The following ADGRA2 variants were observed in gnomAD, a reference collection of about 807,000 sequenced individuals.
The protein encoded by ADGRA2 is adhesion G protein-coupled receptor A2.
Under a neutral mutation model 98.7 loss-of-function variants are expected in ADGRA2, and 61 were observed. The ratio of observed to expected loss-of-function variants is 0.62; its 90% confidence interval spans 0.50 to 0.76. The LOEUF is 0.76. ADGRA2 is among the 30% of genes least tolerant of loss of function. ADGRA2 has a pLI of 0.00. For missense variants in ADGRA2, 1,712 were observed against 1,860.0 expected, an observed-to-expected ratio of 0.92 and a Z score of 1.46; for synonymous variants, 858 against 831.5, an observed-to-expected ratio of 1.03 and a Z score of -0.55.
At chr8:37,823,199 T>TC (rs911163352) in intron 2 of ADGRA2, among the ~76,000 whole-genome samples, 1 of 150,764 alleles carries the variant, frequency 6.6e-6, no homozygotes, top group African/African-American at 2.4e-5. Context: ...CCTTTTTTTT[T>TC]TTTTTTTTTT....
Position 37,844,512 on chromosome 8 carries a change from G to C in ADGRA2, c.*2157G>C. 6.2e-7 allele frequency: 1 copy of C among 1,613,308 alleles called. No homozygotes were observed. Among genetic ancestry groups the C allele is most frequent in the South Asian group, 1.1e-5 (1 of 91,026 alleles). ...CCATCAGGGAGGGTTAGGGACACTC[G>C]TGGCAGCCTGTCTAGCAGCCTGGGC... On this transcript the variant is annotated 3_prime_UTR_variant, in exon 19 of 19. Transcript: ENST00000412232.
chr8:37,840,906 C>G, intron 18 of ADGRA2, 57 bp downstream of exon 18: 1 of 1,116,654 alleles, frequency 9.0e-7, no homozygotes, highest in Non-Finnish European at 1.3e-6. Flanking sequence ...ATGCCTTCCA[C>G]TCCACTGGCA....
chr8:37,839,643 T>G (rs768778828), intron 16 of ADGRA2, 21 bp downstream of exon 16: 1 of 1,612,514 alleles, frequency 6.2e-7, no homozygotes, highest in Non-Finnish European at 8.5e-7. Context: ...GAAGGGGCTC[T>G]GGGGGTGGTG....
rs186056790 is a variant in ADGRA2 at position 37,827,356 on chromosome 8, G to A, written c.339-1532G>A. On this transcript the variant is annotated intron_variant, in intron 2 of 18. Transcript: ENST00000412232. ...TCCTGCCTGCCCCAAGAGCCCAGGGGGCTGCCCTGGCAGGTGTGGGGTTAG... is the reference window on the plus strand; with the variant it reads ...TCCTGCCTGCCCCAAGAGCCCAGGGAGCTGCCCTGGCAGGTGTGGGGTTAG... Among the ~76,000 whole-genome samples the A allele has an allele frequency of 3.6e-3, 555 of 152,370 alleles. 6 individuals carry two copies. Among genetic ancestry groups the A allele is most frequent in the African/African-American group, 0.013 (530 of 41,594 alleles).
rs1277338880 is a variant in ADGRA2, at chr8:37,830,648, T to C, written c.719-62T>C. 4 of 489,872 alleles carry C rather than the reference T, an allele frequency of 8.2e-6. No individual in the cohort carries two copies. The Admixed American group carries it at 1.1e-4, about 13-fold the overall frequency. The allele number at this position is 489,872 out of a possible 1,614,324, so 30.3% of individuals were successfully genotyped here. The stretch of plus-strand genomic sequence containing the variant: ...CCACCCCATCCTGCTGGACTCTCGC[T>C]CACACGTGCAGCCTCACATGCGTGT... On this transcript the variant is annotated intron_variant, in intron 6 of 18. Coordinates refer to ENST00000412232, the MANE Select transcript of ADGRA2 (RefSeq NM_032777.10). The surrounding 1 kb of genome is among the most constrained non-coding windows in gnomAD (Gnocchi z 4.8).
At chr8:37,839,166 G>A (rs538342503) in intron 15 of ADGRA2, 83 bp downstream of exon 15, 25 of 1,537,390 alleles carry the variant, frequency 1.6e-5, no homozygotes, top group East Asian at 9.0e-5. Context: ...CCTATGCTCC[G>A]GTACATACTT....
chr8:37,816,465 T>G (rs1034763266), intron 2 of ADGRA2, among the ~76,000 whole-genome samples: 12 of 146,802 alleles, frequency 8.2e-5, no homozygotes, highest in African/African-American at 3.1e-4. Flanking sequence ...TGGTGCTGCA[T>G]GCCTGTAATC....
chr8:37,823,607 T>C (rs1191968996), intron 2 of ADGRA2, among the ~76,000 whole-genome samples: 1 of 152,210 alleles, frequency 6.6e-6, no homozygotes, highest in Non-Finnish European at 1.5e-5. Flanking sequence ...AGGAGTGGAA[T>C]TTCTGGGTCA....
rs1805436799 is a variant in ADGRA2, at chr8:37,830,953, T to G, written c.932+30T>G. The G allele has an allele frequency of 1.3e-6, 2 of 1,514,020 alleles. No individual in the cohort carries two copies. The highest frequency in any genetic ancestry group is 3.9e-5 in the Admixed American group (2 of 51,042). The allele number at this position is 1,514,020 out of a possible 1,614,324, so 93.8% of individuals were successfully genotyped here. ...GAGCCCCGCTGCCCCTCCTCAGGCC[T>G]CAGCATGGGGTTAGGGGACCTACCC... On this transcript the variant is annotated intron_variant, in intron 7 of 18. Coordinates refer to ENST00000412232, the MANE Select transcript of ADGRA2 (RefSeq NM_032777.10). This position sits in a 1 kb window ranked among gnomAD's most constrained non-coding sequence, Gnocchi z 4.8.
Position 37,830,023 on chromosome 8 carries a change from G to C in ADGRA2, c.718+9G>C, listed in dbSNP as rs770760292. On this transcript the variant is annotated intron_variant, in intron 6 of 18. Transcript: ENST00000412232. The surrounding 1 kb of genome is among the most constrained non-coding windows in gnomAD (Gnocchi z 4.8). ...GGCCCAGCTCTGCTGCGGTGAGCAA[G>C]TCCCCCCAGCTACACATCTCCCAGG... 3 of 1,517,142 alleles carry C rather than the reference G, an allele frequency of 2.0e-6. No homozygotes were observed. The highest frequency in any genetic ancestry group is 2.7e-6 in the Non-Finnish European group (3 of 1,131,176). 94.0% of individuals were successfully genotyped at this position (1,517,142 alleles called of 1,614,324 possible). A position where few individuals can be genotyped will look rare whatever the true frequency, so the allele number is the denominator to read the frequency against.
intron 1 of ADGRA2, among the ~76,000 whole-genome samples, chr8:37,806,695 A>G (rs1020951344): frequency 6.6e-6 from 1 of 151,284 alleles, no homozygotes; most frequent in Non-Finnish European, 1.5e-5. Context: ...TTGTCCAGCT[A>G]ATTTTTGTAT....
Position 37,841,939 on chromosome 8 carries a change from C to G in ADGRA2, c.3601C>G (p.Leu1201Val), listed in dbSNP as rs1412745473. Residue 1201 changes from leucine (L) to valine (V), a missense_variant, in exon 19 of 19, where the codon CTC becomes GTC. Transcript: ENST00000412232. This position sits in a 1 kb window ranked among gnomAD's most constrained non-coding sequence, Gnocchi z 5.0. ...RAGEACGKNR[L>V]KALRGGAAGA... ...GGGGGAGGCCTGCGGCAAGAACCGG[C>G]TCAAGGCCCTGCGCGGGGGCGCGGC... The G allele has an allele frequency of 1.2e-5, 18 of 1,515,342 alleles. No homozygotes were observed. Among genetic ancestry groups the G allele is most frequent in the Non-Finnish European group, 1.1e-5 (12 of 1,139,660 alleles). 93.9% of individuals were successfully genotyped at this position (1,515,342 alleles called of 1,614,324 possible).
At chr8:37,833,897 C>T (rs545339530) in intron 10 of ADGRA2, 60 bp downstream of exon 10, 10 of 1,606,478 alleles carry the variant, frequency 6.2e-6, no homozygotes, top group Non-Finnish European at 8.5e-6. Context: ...TTTGCTCAAG[C>T]CTCTCTCTCA....
At chr8:37,819,209 A>G (rs982970642) in intron 2 of ADGRA2, among the ~76,000 whole-genome samples, 9 of 152,168 alleles carry the variant, frequency 5.9e-5, no homozygotes, top group African/African-American at 1.4e-4. Flanking sequence ...GAAGATAATC[A>G]CAGGACCCAG....
chr8:37,811,094 A>G (rs1000530765), intron 1 of ADGRA2, among the ~76,000 whole-genome samples: 1 of 144,794 alleles, frequency 6.9e-6, no homozygotes, highest in Non-Finnish European at 1.5e-5. Flanking sequence ...AGACTGGGCA[A>G]CAGAGCAAGA....
rs1394880231 is a variant in ADGRA2 at position 37,833,958 on chromosome 8, TC to T, written c.1447-3del. The T allele has an allele frequency of 6.8e-6, 11 of 1,609,862 alleles. No homozygotes were observed. Among genetic ancestry groups the T allele is most frequent in the South Asian group, 1.1e-5 (1 of 90,796 alleles). On this transcript the variant is annotated splice_polypyrimidine_tract_variant and splice_region_variant and intron_variant, in intron 10 of 18. Coordinates refer to ENST00000412232, the MANE Select transcript of ADGRA2 (RefSeq NM_032777.10). ...GCCCCTGCCCTCAGCAACTTCCCTG[TC>T]CCCCCAGCTGGTAGAGGTGATGGTG...
At position 37,842,035 on chromosome 8, in the gene ADGRA2, A is replaced by T; in HGVS notation, c.3697A>T (p.Ser1233Cys). ...CAGCCCCACCGACAGCTACCTGGGC[A>T]GCAGCCGCAACAGCCCGGGCGCCGG... ...HNSPTDSYLG[S>C]SRNSPGAGLQ... is the part of the protein sequence containing the mutation. Residue 1233 changes from serine (S) to cysteine (C), a missense_variant, in exon 19 of 19, where the codon AGC (serine) becomes TGC (cysteine). Physicochemically the swap from Ser to Cys is moderately radical, Grantham distance 112 (BLOSUM62 -1). Coordinates refer to ENST00000412232, the MANE Select transcript of ADGRA2 (RefSeq NM_032777.10). The T allele has an allele frequency of 6.6e-7, 1 of 1,519,722 alleles. No individual in the cohort carries two copies. 94.1% of individuals were successfully genotyped at this position (1,519,722 alleles called of 1,614,324 possible).
chr8:37,812,254 A>G lies in ADGRA2; in HGVS notation c.267-2642A>G, dbSNP rs542609887. Among the ~76,000 whole-genome samples, 7 of 152,188 alleles carry G rather than the reference A, an allele frequency of 4.6e-5. No individual in the cohort carries two copies. In the South Asian group the frequency reaches 1.5e-3, roughly 32 times the overall value. ...GGTTAAAGGCTAAAGAGTTGGGAAAATGTGAGGAATCACCCCCACCAACAC... is the reference window on the plus strand; with the variant it reads ...GGTTAAAGGCTAAAGAGTTGGGAAAGTGTGAGGAATCACCCCCACCAACAC... On this transcript the variant is annotated intron_variant, in intron 1 of 18. Coordinates refer to ENST00000412232, the MANE Select transcript of ADGRA2 (RefSeq NM_032777.10).
rs1419575668 is a variant in ADGRA2 at position 37,842,100 on chromosome 8, G to A, written c.3762G>A (p.Glu1254=). The A allele has an allele frequency of 4.6e-6, 7 of 1,509,886 alleles. No homozygotes were observed. Among genetic ancestry groups the A allele is most frequent in the Non-Finnish European group, 6.2e-6 (7 of 1,136,740 alleles). 93.5% of individuals were successfully genotyped at this position (1,509,886 alleles called of 1,614,324 possible). A position where few individuals can be genotyped will look rare whatever the true frequency, so the allele number is the denominator to read the frequency against. Residue 1254 remains glutamate (E), a synonymous_variant, in exon 19 of 19, where the codon GAG becomes GAA. Coordinates refer to ENST00000412232, the MANE Select transcript of ADGRA2 (RefSeq NM_032777.10). ...LEGEPMLTPS[E]GSDTSAAPLS... is the part of the protein sequence containing the mutation. ...GCGAGCCCATGCTCACGCCGTCCGA[G>A]GGCAGCGACACCAGCGCCGCGCCGC...
Sources: gnomAD v4.1 joint callset for allele counts (sites outside exome capture counted in the v4.1 genomes callset) on GRCh38, gnomAD v4.1.1 for gene constraint, Gnocchi (gnomAD v3.1) non-coding constraint, MANE v1.5 for transcripts, NCBI Gene and HGNC (gene_info 2026-07-23, HGNC 2026-07-21) for gene names.